Variants in CNRIP1 observed in about 807,000 individuals in gnomAD.
The protein encoded by CNRIP1 is cannabinoid receptor interacting protein 1, also known as CB1 cannabinoid receptor-interacting protein 1.
In CNRIP1, 10 loss-of-function variants were observed where a neutral mutation model predicts 15.2. The ratio of observed to expected loss-of-function variants is 0.66; its 90% confidence interval spans 0.41 to 1.12. The LOEUF (loss-of-function observed/expected upper bound fraction) is 1.12. Ranked by LOEUF, CNRIP1 falls within the 50% of genes most tolerant of loss-of-function variation. CNRIP1 has a pLI of 0.00. For synonymous variants in CNRIP1, 91 were observed against 83.2 expected, an observed-to-expected ratio of 1.09 and a Z score of -0.51; for missense variants, 211 against 214.7, an observed-to-expected ratio of 0.98 and a Z score of 0.11.
chr2:68,316,312 T>C (rs1305789110), intron 2 of CNRIP1: 1 of 152,116 alleles, frequency 6.6e-6, no homozygotes, highest in Non-Finnish European at 1.5e-5. Flanking sequence ...CCCAAAGAGA[T>C]TCTCACGCAT....
chr2:68,284,561 C>G (rs1670981221), intron 2 of CNRIP1: 2 of 963,424 alleles, frequency 2.1e-6, no homozygotes, highest in South Asian at 1.6e-5. Context: ...CCCGTAATCC[C>G]AGCACTTTGG....
chr2:68,292,985 C>G (rs1261935877), downstream of CNRIP1: 2 of 983,326 alleles, frequency 2.0e-6, no homozygotes, highest in Admixed American at 1.2e-4. Context: ...AATTATTGCC[C>G]AAATTAAGAA....
At position 68,319,591 on chromosome 2, in the gene CNRIP1, C is replaced by T. The variant is rs918624548; in HGVS notation, c.-191G>A. The T allele has an allele frequency of 2.9e-5, 16 of 546,648 alleles. No individual in the cohort carries two copies. The highest frequency in any genetic ancestry group is 2.6e-4 in the African/African-American group (13 of 49,306). 33.9% of individuals were successfully genotyped at this position (546,648 alleles called of 1,614,324 possible). On this transcript the variant is annotated 5_prime_UTR_variant, in exon 1 of 3. Transcript: ENST00000263655. ...GGCTTTTGAGGAGCAGCTCCTTAGG[C>T]TGTGGCCCCCCTCCCCACTCGGCGA... is the stretch of plus-strand genomic sequence containing the variant.
chr2:68,301,239 G>T (rs959078838), intron 2 of CNRIP1, among the ~76,000 whole-genome samples: 2 of 152,164 alleles, frequency 1.3e-5, no homozygotes, highest in Non-Finnish European at 2.9e-5. Context: ...GAATTCATAA[G>T]TGGTTCAACA....
At chr2:68,317,576 C>A (rs1486400315) in intron 1 of CNRIP1, among the ~76,000 whole-genome samples, 1 of 152,144 alleles carries the variant, frequency 6.6e-6, no homozygotes, top group African/African-American at 2.4e-5. Flanking sequence ...TCTAGGTGAT[C>A]TTAATATGCA....
At chr2:68,305,317 T>C (rs1671792762) in intron 2 of CNRIP1, among the ~76,000 whole-genome samples, 2 of 144,810 alleles carry the variant, frequency 1.4e-5, no homozygotes, top group South Asian at 2.1e-4. Context: ...TGTGTGTACA[T>C]ATAAAACATA....
chr2:68,318,452 G>C (rs367863923), intron 1 of CNRIP1, among the ~76,000 whole-genome samples: 1 of 152,138 alleles, frequency 6.6e-6, no homozygotes, highest in Admixed American at 6.5e-5. Flanking sequence ...ACACTTTCCC[G>C]CCAGAGGTCT....
chr2:68,311,750 G>C (rs190803674), intron 2 of CNRIP1, among the ~76,000 whole-genome samples: 239 of 129,436 alleles, frequency 1.8e-3, no homozygotes, highest in Admixed American at 5.4e-3. Context: ...ACTCCAGCCT[G>C]AGAGACAGAG....
chr2:68,294,209 T>G (rs1204921202), intron 2 of CNRIP1, among the ~76,000 whole-genome samples, 183 bp from the exon 3 acceptor site: 1 of 152,242 alleles, frequency 6.6e-6, no homozygotes, highest in Non-Finnish European at 1.5e-5. Flanking sequence ...GGGAGATATT[T>G]TCCTAAAAAG....
At chr2:68,315,498 G>T (rs962438458) in intron 2 of CNRIP1, among the ~76,000 whole-genome samples, 3 of 152,042 alleles carry the variant, frequency 2.0e-5, no homozygotes, top group Non-Finnish European at 2.9e-5. Context: ...ATGTGGTTTT[G>T]TTTATAATAC....
intron 2 of CNRIP1, among the ~76,000 whole-genome samples, chr2:68,307,884 G>A (rs1671916678): frequency 6.6e-6 from 1 of 152,012 alleles, no homozygotes; most frequent in South Asian, 2.1e-4. Flanking sequence ...AGCAAAGAAG[G>A]CATTGTTTAG....
chr2:68,302,508 A>C (rs1233284972), intron 2 of CNRIP1, among the ~76,000 whole-genome samples: 1 of 152,162 alleles, frequency 6.6e-6, no homozygotes, highest in African/African-American at 2.4e-5. Flanking sequence ...GAGAGGCATA[A>C]AGTTGGGTGT....
chr2:68,291,455 G>GCT (rs1022321357), downstream of CNRIP1, among the ~76,000 whole-genome samples: 1 of 152,154 alleles, frequency 6.6e-6, no homozygotes, highest in African/African-American at 2.4e-5. Context: ...CGCTCCAGGT[G>GCT]CTCTGCCAGG....
intron 2 of CNRIP1, among the ~76,000 whole-genome samples, chr2:68,304,079 CAAACAAAA>C (rs1419337195): frequency 1.4e-5 from 2 of 139,892 alleles, no homozygotes; most frequent in African/African-American, 2.6e-5. Flanking sequence ...TGTCTAAAAA[CAAACAAAA>C]AAAACAAACA....
At chr2:68,313,137 T>C (rs1169989922) in intron 2 of CNRIP1, among the ~76,000 whole-genome samples, 2 of 152,124 alleles carry the variant, frequency 1.3e-5, no homozygotes, top group Non-Finnish European at 2.9e-5. Flanking sequence ...GACTACAATA[T>C]AGATCAAACA....
At chr2:68,289,198 T>C (rs936335013), downstream of CNRIP1, among the ~76,000 whole-genome samples, 1 of 152,184 alleles carries the variant, frequency 6.6e-6, no homozygotes, top group African/African-American at 2.4e-5. Context: ...GATTCTGTCT[T>C]GATGTTTGTA....
At chr2:68,313,261 A>C (rs189603486) in intron 2 of CNRIP1, among the ~76,000 whole-genome samples, 19 of 152,254 alleles carry the variant, frequency 1.2e-4, no homozygotes. Context: ...AAAATGGTAC[A>C]ACAGTGTGGA....
intron 2 of CNRIP1, among the ~76,000 whole-genome samples, chr2:68,303,249 C>G (rs1458266610): frequency 6.6e-6 from 1 of 152,168 alleles, no homozygotes; most frequent in East Asian, 1.9e-4. Flanking sequence ...GAAATATTAT[C>G]TTAAAGCAGA....
At chr2:68,299,123 T>C (rs1318721059) in intron 2 of CNRIP1, among the ~76,000 whole-genome samples, 1 of 152,156 alleles carries the variant, frequency 6.6e-6, no homozygotes, top group Non-Finnish European at 1.5e-5. Flanking sequence ...CAGTCTAGAC[T>C]CCAAAGCCAG....
Sources: allele counts gnomAD v4.1 joint callset (sites outside exome capture counted in the v4.1 genomes callset), GRCh38; gene constraint gnomAD v4.1.1; transcripts MANE v1.5; gene names NCBI Gene and HGNC (gene_info 2026-07-23, HGNC 2026-07-21).